Variants in RIGI observed in about 807,000 individuals in gnomAD.
RIGI encodes the protein antiviral innate immune response receptor RIG-I.
chr9:32,486,218 G>A, the RIGI span, among the ~76,000 whole-genome samples: 131 of 152,162 alleles, frequency 8.6e-4, 2 homozygotes, highest in African/African-American at 3.0e-3. Context: ...TTGGGAGGCC[G>A]AGGAGGGTGG....
At chr9:32,456,979 T>C in the RIGI span, 1 of 645,568 alleles carries the variant, frequency 1.5e-6, no homozygotes. Context: ...TTTGCATATA[T>C]AATATAGTAC....
chr9:32,489,778 T>C, the RIGI span, among the ~76,000 whole-genome samples: 757 of 152,246 alleles, frequency 5.0e-3, 4 homozygotes, highest in African/African-American at 0.017. Context: ...ATGCTGTATG[T>C]GAAAAAAGCA....
the RIGI span, chr9:32,467,659 T>C: frequency 2.5e-6 from 3 of 1,213,608 alleles, no homozygotes; most frequent in Non-Finnish European, 3.4e-6. Flanking sequence ...ATTGGTCACA[T>C]ACTCAACCAT....
the RIGI span, chr9:32,456,139 A>C: frequency 1.3e-5 from 2 of 152,232 alleles, no homozygotes; most frequent in African/African-American, 4.8e-5. Flanking sequence ...TGTAACATCC[A>C]AGGGATCTGA....
the RIGI span, chr9:32,492,622 G>A: frequency 1.6e-5 from 24 of 1,500,064 alleles, 1 homozygote; most frequent in East Asian, 4.3e-4. Context: ...TGTCAGTCAT[G>A]TACTATCTGA....
the RIGI span, chr9:32,481,282 G>A: frequency 2.6e-4 from 397 of 1,522,960 alleles, no homozygotes; most frequent in African/African-American, 4.2e-4. Context: ...TGGCTTCCAC[G>A]GTGCCACTCC....
chr9:32,526,055 A>C, the RIGI span: 2 of 1,608,572 alleles, frequency 1.2e-6, no homozygotes, highest in African/African-American at 2.7e-5. Flanking sequence ...CGCTGGAGAC[A>C]CTCACCCTCC....
chr9:32,493,610 G>A, the RIGI span: 98 of 529,902 alleles, frequency 1.8e-4, no homozygotes, highest in Middle Eastern at 1.0e-3. Context: ...GCGACAGAGC[G>A]AGACTCCGTC....
chr9:32,469,597 C>G, the RIGI span, among the ~76,000 whole-genome samples: 3 of 152,190 alleles, frequency 2.0e-5, no homozygotes, highest in Non-Finnish European at 2.9e-5. Flanking sequence ...AGCCACACCC[C>G]CTTCTACTTA....
At chr9:32,522,617 A>T in the RIGI span, among the ~76,000 whole-genome samples, 292 of 152,252 alleles carry the variant, frequency 1.9e-3, no homozygotes, top group African/African-American at 6.8e-3. Context: ...TCCAGCTGTG[A>T]TATGTCTTTG....
the RIGI span, among the ~76,000 whole-genome samples, chr9:32,458,580 C>T: frequency 6.6e-6 from 1 of 152,220 alleles, no homozygotes; most frequent in East Asian, 1.9e-4. Flanking sequence ...TTCCTTATTA[C>T]CATTAGTTTG....
the RIGI span, among the ~76,000 whole-genome samples, chr9:32,520,285 T>A: frequency 3.3e-5 from 5 of 152,278 alleles, no homozygotes; most frequent in African/African-American, 1.2e-4. Flanking sequence ...ATGGATTGTA[T>A]AATGGGTTGA....
the RIGI span, among the ~76,000 whole-genome samples, chr9:32,523,016 C>T: frequency 6.6e-6 from 1 of 152,170 alleles, no homozygotes; most frequent in Non-Finnish European, 1.5e-5. Context: ...GACAATGAGA[C>T]ACCAGGCCCC....
the RIGI span, among the ~76,000 whole-genome samples, chr9:32,513,302 T>C: frequency 1.9e-4 from 29 of 152,186 alleles, no homozygotes; most frequent in Non-Finnish European, 3.5e-4. Flanking sequence ...GAAGGCATCA[T>C]GCTACCTGAC....
chr9:32,508,258 T>TTA, the RIGI span, among the ~76,000 whole-genome samples: 2 of 137,998 alleles, frequency 1.4e-5, no homozygotes, highest in Admixed American at 7.3e-5. Context: ...TTTTTTTTTT[T>TTA]ACTATATGAA....
At chr9:32,514,474 A>T in the RIGI span, among the ~76,000 whole-genome samples, 551 of 152,282 alleles carry the variant, frequency 3.6e-3, no homozygotes, top group African/African-American at 8.4e-3. Context: ...CTAACACAGG[A>T]ACAGAAAACC....
chr9:32,521,421 T>C, the RIGI span, among the ~76,000 whole-genome samples: 1 of 152,044 alleles, frequency 6.6e-6, no homozygotes, highest in Non-Finnish European at 1.5e-5. Context: ...GGAAACTGAG[T>C]CGCCTATCAA....
the RIGI span, chr9:32,500,920 C>T: frequency 6.2e-7 from 1 of 1,614,042 alleles, no homozygotes; most frequent in South Asian, 1.1e-5. Flanking sequence ...TTTTCTCAGC[C>T]TGAATATACT....
At chr9:32,516,437 T>C in the RIGI span, among the ~76,000 whole-genome samples, 1 of 151,814 alleles carries the variant, frequency 6.6e-6, no homozygotes, top group African/African-American at 2.4e-5. Context: ...TGTGGCTGGG[T>C]TGCTGTGGTC....
Sources: gnomAD v4.1 joint callset for allele counts (sites outside exome capture counted in the v4.1 genomes callset) on GRCh38, gnomAD v4.1.1 for gene constraint, MANE v1.5 for transcripts, NCBI Gene and HGNC (gene_info 2026-07-23, HGNC 2026-07-21) for gene names.